Variants in C8orf90 observed in about 807,000 individuals in gnomAD.
The protein encoded by C8orf90 is chromosome 8 open reading frame 90.
the C8orf90 span, among the ~76,000 whole-genome samples, chr8:141,516,320 T>C: frequency 6.6e-6 from 1 of 152,200 alleles, no homozygotes. Context: ...AGGAAGGTCA[T>C]TTGTCTTTGC....
chr8:141,518,611 G>GCCCCGCTGCTGCCCGA, the C8orf90 span: 2 of 491,312 alleles, frequency 4.1e-6, no homozygotes, highest in Non-Finnish European at 7.1e-6. Context: ...CTGCTGCCCG[G>GCCCCGCTGCTGCCCGA]CCCCGCCGCC....
At chr8:141,514,742 C>T in the C8orf90 span, 1 of 701,552 alleles carries the variant, frequency 1.4e-6, no homozygotes, top group Admixed American at 2.0e-5. Context: ...AGGTCTGCCC[C>T]CTCCTTCTGT....
chr8:141,515,996 G>T, the C8orf90 span, among the ~76,000 whole-genome samples: 1 of 152,142 alleles, frequency 6.6e-6, no homozygotes, highest in Admixed American at 6.5e-5. Context: ...GAAGCTGAAG[G>T]CATTGGAAGA....
chr8:141,518,372 C>T, the C8orf90 span: 47 of 676,808 alleles, frequency 6.9e-5, no homozygotes, highest in South Asian at 7.3e-4. Context: ...TTCACGCTGC[C>T]CTTCCCGTTC....
the C8orf90 span, among the ~76,000 whole-genome samples, chr8:141,515,230 CCA>C: frequency 3.6e-5 from 1 of 28,042 alleles, no homozygotes; most frequent in Non-Finnish European, 7.9e-5. Context: ...ACCCATCCAT[CCA>C]TCCACCCAAC....
At chr8:141,518,678 G>A in the C8orf90 span, 1 of 543,136 alleles carries the variant, frequency 1.8e-6, no homozygotes, top group East Asian at 3.5e-5. Context: ...GGCTGGCCCA[G>A]GCCCCGCCGC....
chr8:141,517,202 T>C, the C8orf90 span, among the ~76,000 whole-genome samples: 1 of 76,482 alleles, frequency 1.3e-5, no homozygotes, highest in Non-Finnish European at 3.8e-5. Context: ...CCCAAGGGTG[T>C]TGGGAGAAGG....
chr8:141,515,653 G>T, the C8orf90 span, among the ~76,000 whole-genome samples: 7 of 151,850 alleles, frequency 4.6e-5, no homozygotes, highest in Admixed American at 4.6e-4. Context: ...AGCCCACAGT[G>T]TCTTCCACCT....
At chr8:141,518,155 G>A in the C8orf90 span, 26 of 529,400 alleles carry the variant, frequency 4.9e-5, no homozygotes, top group South Asian at 6.1e-4. Flanking sequence ...TCTCCCGCCT[G>A]CGCGGGCCGC....
At chr8:141,515,181 C>A in the C8orf90 span, among the ~76,000 whole-genome samples, 1 of 151,010 alleles carries the variant, frequency 6.6e-6, no homozygotes, top group Non-Finnish European at 1.5e-5. Flanking sequence ...CATTCACTCA[C>A]CCATCTATCC....
chr8:141,516,891 C>T, the C8orf90 span, among the ~76,000 whole-genome samples: 241 of 152,316 alleles, frequency 1.6e-3, 1 homozygote, highest in African/African-American at 5.4e-3. Flanking sequence ...TTGGTTGGCT[C>T]CATTTTCAGA....
the C8orf90 span, chr8:141,518,628 C>T: frequency 5.8e-6 from 3 of 516,794 alleles, no homozygotes; most frequent in Non-Finnish European, 6.8e-6. Context: ...CGCCGCCTTC[C>T]CGGAGCCCGA....
chr8:141,518,198 T>G, the C8orf90 span: 2 of 563,008 alleles, frequency 3.6e-6, no homozygotes, highest in Non-Finnish European at 6.2e-6. Flanking sequence ...GGGCGTTCAC[T>G]GTCCCCTCCG....
the C8orf90 span, among the ~76,000 whole-genome samples, chr8:141,517,287 C>T: frequency 6.6e-6 from 1 of 152,280 alleles, no homozygotes; most frequent in Non-Finnish European, 1.5e-5. Context: ...AGACAGCTGC[C>T]TGGTCTGGCT....
At chr8:141,518,567 C>G in the C8orf90 span, 2 of 429,702 alleles carry the variant, frequency 4.7e-6, no homozygotes, top group Non-Finnish European at 8.0e-6. Flanking sequence ...CTGAGCTGCG[C>G]CCGCGCGCGG....
chr8:141,518,681 C>T, the C8orf90 span: 2 of 540,432 alleles, frequency 3.7e-6, no homozygotes, highest in South Asian at 2.4e-5. Flanking sequence ...TGGCCCAGGC[C>T]CCGCCGCTGC....
the C8orf90 span, chr8:141,518,518 C>T: frequency 1.8e-6 from 1 of 553,746 alleles, no homozygotes; most frequent in African/African-American, 2.0e-5. Context: ...CGCCACGGCC[C>T]AGGCAGCGAT....
chr8:141,518,368 C>A, the C8orf90 span: 1 of 677,066 alleles, frequency 1.5e-6, no homozygotes, highest in Admixed American at 2.1e-5. Flanking sequence ...GAACTTCACG[C>A]TGCCCTTCCC....
the C8orf90 span, chr8:141,518,637 G>A: frequency 7.6e-6 from 4 of 529,604 alleles, no homozygotes; most frequent in East Asian, 1.1e-4. Context: ...CCCGGAGCCC[G>A]AGGCCAGCGC....
Sources: gnomAD v4.1 joint callset for allele counts (sites outside exome capture counted in the v4.1 genomes callset) on GRCh38, gnomAD v4.1.1 for gene constraint, MANE v1.5 for transcripts, NCBI Gene and HGNC (gene_info 2026-07-23, HGNC 2026-07-21) for gene names.